The following GTF2A2 variants were observed in gnomAD, a reference collection of about 807,000 sequenced individuals.
The protein encoded by GTF2A2 is general transcription factor IIA subunit 2.
GTF2A2 carries 9 observed loss-of-function variants against 14.3 expected under a neutral mutation model. That is an observed-to-expected ratio of 0.63 (90% confidence interval 0.38 to 1.10). The LOEUF is 1.10. GTF2A2 is among the 50% of genes least tolerant of loss of function. The pLI, the probability that GTF2A2 is intolerant of heterozygous loss-of-function variation, is 0.01. For synonymous variants in GTF2A2, 56 were observed against 46.0 expected (o/e 1.22, Z -0.88); for missense variants, 90 against 124.6 (o/e 0.72, Z 1.32).
In GTF2A2 at chr15:59,654,476, C is replaced by T. The variant is rs996593946; in HGVS notation, c.-49-2150G>A. 2.6e-5 allele frequency among the ~76,000 whole-genome samples: 4 copies of T among 152,180 alleles called. No homozygotes were observed. The East Asian group carries it at 7.7e-4, about 29-fold the overall frequency. ...TCAACCTATAAGAAAGAATTACCTT[C>T]CTTCTTCCTCACACTGCTTTATTTT... On this transcript the variant is annotated intron_variant, in intron 1 of 4. Coordinates refer to ENST00000396060, the MANE Select transcript of GTF2A2 (RefSeq NM_004492.3).
chr15:59,640,484 G>A (rs1891375501), intron 4 of GTF2A2, among the ~76,000 whole-genome samples: 1 of 152,130 alleles, frequency 6.6e-6, no homozygotes, highest in African/African-American at 2.4e-5. Context: ...GGTAACCACT[G>A]GCTAGCCATA....
At chr15:59,642,097 G>C in intron 4 of GTF2A2, 39 bp downstream of exon 4, 1 of 1,560,122 alleles carries the variant, frequency 6.4e-7, no homozygotes, top group Non-Finnish European at 8.7e-7. Flanking sequence ...TAAAAACAAG[G>C]TTTCAAGTAG....
chr15:59,655,081 G>A (rs935361221), intron 1 of GTF2A2, among the ~76,000 whole-genome samples: 3 of 152,158 alleles, frequency 2.0e-5, no homozygotes, highest in African/African-American at 4.8e-5. Flanking sequence ...ATCAGGCATT[G>A]TCTTCTAATT....
At chr15:59,645,318 G>C (rs921829082) in intron 3 of GTF2A2, among the ~76,000 whole-genome samples, 2 of 152,180 alleles carry the variant, frequency 1.3e-5, no homozygotes, top group Non-Finnish European at 2.9e-5. Context: ...GGTTGGATGA[G>C]ACCAAGGACA....
rs1214394926 is a variant in GTF2A2 at position 59,638,660 on chromosome 15, AAAGC to A, written c.*468_*471del. 1 of 152,408 alleles carries A rather than the reference AAAGC, an allele frequency of 6.6e-6. No homozygotes were observed. Among genetic ancestry groups the A allele is most frequent in the East Asian group, 1.9e-4 (1 of 5,224 alleles). 9.4% of individuals were successfully genotyped at this position (152,408 alleles called of 1,614,324 possible). A position where few individuals can be genotyped will look rare whatever the true frequency, so the allele number is the denominator to read the frequency against. ...GATTAACTTTGGTTTTGTATTTTAAAAAGCAAGGGATTTTCTTAAAAAATTCCAT... is the reference window on the plus strand; with the variant it reads ...GATTAACTTTGGTTTTGTATTTTAAAAAGGGATTTTCTTAAAAAATTCCAT... On this transcript the variant is annotated 3_prime_UTR_variant, in exon 5 of 5. Transcript: ENST00000396060.
chr15:59,640,889 T>C (rs1891396980), intron 4 of GTF2A2, among the ~76,000 whole-genome samples: 2 of 152,048 alleles, frequency 1.3e-5, no homozygotes, highest in Admixed American at 6.6e-5. Flanking sequence ...ATGTATCTAA[T>C]GACTATAATA....
chr15:59,652,659 T>C (rs866036903), intron 1 of GTF2A2, among the ~76,000 whole-genome samples: 2 of 152,200 alleles, frequency 1.3e-5, no homozygotes, highest in Admixed American at 6.5e-5. Flanking sequence ...GTCAAGTCAC[T>C]GGTAAAATCT....
chr15:59,652,132 GC>G, intron 2 of GTF2A2, 73 bp downstream of exon 2: 1 of 836,790 alleles, frequency 1.2e-6, no homozygotes. Context: ...ATATCTCTTT[GC>G]CTAAGTGATA....
chr15:59,647,032 A>G (rs1464517719), intron 3 of GTF2A2, among the ~76,000 whole-genome samples: 1 of 151,074 alleles, frequency 6.6e-6, no homozygotes, highest in East Asian at 1.9e-4. Flanking sequence ...TTATATAATT[A>G]CAAACATAAT....
At chr15:59,648,630 A>G (rs1217495408) in intron 3 of GTF2A2, among the ~76,000 whole-genome samples, 1 of 151,926 alleles carries the variant, frequency 6.6e-6, no homozygotes, top group South Asian at 2.1e-4. Flanking sequence ...TTGAACCCAT[A>G]AAAGGATTTA....
intron 4 of GTF2A2, among the ~76,000 whole-genome samples, chr15:59,639,587 C>T (rs558685325): frequency 7.0e-4 from 105 of 150,872 alleles, no homozygotes; most frequent in African/African-American, 2.3e-3. Flanking sequence ...CTCAGCCTCC[C>T]GAGTAGCTGG....
chr15:59,645,540 C>G (rs1891575293), intron 3 of GTF2A2, among the ~76,000 whole-genome samples: 1 of 152,142 alleles, frequency 6.6e-6, no homozygotes. Context: ...ACAGCAATTT[C>G]AGTGGAGTGA....
chr15:59,647,247 C>A (rs1444777750), intron 3 of GTF2A2, among the ~76,000 whole-genome samples: 2 of 152,060 alleles, frequency 1.3e-5, no homozygotes, highest in East Asian at 1.9e-4. Context: ...CACACACCAT[C>A]ACACCCAGCT....
chr15:59,652,178 A>G, intron 2 of GTF2A2, 28 bp downstream of exon 2: 1 of 1,268,804 alleles, frequency 7.9e-7, no homozygotes, highest in Non-Finnish European at 1.1e-6. Context: ...CAAGATAAAA[A>G]TGTTTGATTT....
intron 3 of GTF2A2, among the ~76,000 whole-genome samples, chr15:59,645,926 C>T (rs1261439668): frequency 6.6e-6 from 1 of 150,828 alleles, no homozygotes; most frequent in Non-Finnish European, 1.5e-5. Flanking sequence ...CCCAGCTACT[C>T]GGGAGGCTGA....
intron 4 of GTF2A2, 124 bp from the exon 5 acceptor site, chr15:59,639,281 G>A: frequency 2.9e-6 from 2 of 696,314 alleles, no homozygotes; most frequent in Non-Finnish European, 5.3e-6. Context: ...CTTGCAGGGT[G>A]GGGAAGAACA....
rs1012045020 is a variant in GTF2A2, at chr15:59,652,471, T to C, written c.-49-145A>G. On this transcript the variant is annotated intron_variant, in intron 1 of 4. Transcript: ENST00000396060. ...CATTACTAGATAATCATTTTAGAAT[T>C]ACAAGGAATTGCTACAAATGATTTT... 9.6e-6 allele frequency: 5 copies of C among 519,650 alleles called. No homozygotes were observed. In the African/African-American group the frequency reaches 1.0e-4, roughly 10 times the overall value. The allele number at this position is 519,650 out of a possible 1,614,324, so 32.2% of individuals were successfully genotyped here.
intron 3 of GTF2A2, among the ~76,000 whole-genome samples, chr15:59,642,928 A>G (rs1595667958): frequency 2.0e-5 from 3 of 151,884 alleles, no homozygotes; most frequent in Middle Eastern, 3.4e-3. Context: ...CACCACGCCC[A>G]GCTAGTTTTT....
chr15:59,655,524 T>TA (rs1274032425), intron 1 of GTF2A2, among the ~76,000 whole-genome samples: 1 of 152,236 alleles, frequency 6.6e-6, no homozygotes, highest in Non-Finnish European at 1.5e-5. Flanking sequence ...CGGATTGTCC[T>TA]AACTCACAAG....
Sources: gnomAD v4.1 joint callset for allele counts (sites outside exome capture counted in the v4.1 genomes callset) on GRCh38, gnomAD v4.1.1 for gene constraint, MANE v1.5 for transcripts, NCBI Gene and HGNC (gene_info 2026-07-23, HGNC 2026-07-21) for gene names.